Variants in USP34 observed in about 807,000 individuals in gnomAD.
USP34 encodes ubiquitin specific peptidase 34.
USP34 carries 70 observed loss-of-function variants against 460.3 expected under a neutral mutation model. The ratio of observed to expected loss-of-function variants is 0.15; its 90% CI spans 0.13 to 0.19. USP34 has a LOEUF of 0.19. USP34 is among the 10% of genes least tolerant of loss of function. USP34 has a pLI of 1.00. For missense variants in USP34, 3,985 were observed against 4,236.2 expected (o/e 0.94, Z 1.65); for synonymous variants, 1,647 against 1,405.3 (o/e 1.17, Z -3.85).
intron 24 of USP34, 42 bp from the exon 25 acceptor site, chr2:61,314,786 C>T (rs749239528): frequency 6.3e-7 from 1 of 1,578,200 alleles, no homozygotes; most frequent in Non-Finnish European, 8.6e-7. Flanking sequence ...GCCTTATATT[C>T]TTGTTTAGCT....
chr2:61,194,080 G>C, intron 75 of USP34: 1 of 983,518 alleles, frequency 1.0e-6, no homozygotes, highest in Non-Finnish European at 1.2e-6. Context: ...GCAGCATGTG[G>C]GTTGTAATTT....
intron 1 of USP34, among the ~76,000 whole-genome samples, chr2:61,463,566 G>T (rs776959371): frequency 6.6e-6 from 1 of 151,948 alleles, no homozygotes; most frequent in African/African-American, 2.4e-5. Context: ...AGGCAGGATG[G>T]CTCACACCCC....
intron 3 of USP34, among the ~76,000 whole-genome samples, chr2:61,395,630 C>CA (rs1693495116): frequency 6.8e-6 from 1 of 147,766 alleles, no homozygotes. Context: ...ACTAAAAATA[C>CA]AAAAAATTAG....
In USP34 at chr2:61,365,968, T is replaced by C. The variant is rs574278280; in HGVS notation, c.1251+4353A>G. Among the ~76,000 whole-genome samples, 4 of 152,224 alleles carry C rather than the reference T, an allele frequency of 2.6e-5. No homozygotes were observed. In the East Asian group the frequency reaches 7.7e-4, roughly 29 times the overall value. ...CCTATTTATTTATTTATTTATTTAT[T>C]TGAGACACAGTCTCACTCTGCTGCC... is the stretch of plus-strand genomic sequence containing the variant. On this transcript the variant is annotated intron_variant, in intron 10 of 79. Coordinates refer to ENST00000398571, the MANE Select transcript of USP34 (RefSeq NM_014709.4).
At chr2:61,416,972 C>T (rs972383911) in intron 2 of USP34, 3 of 1,298,030 alleles carry the variant, frequency 2.3e-6, no homozygotes, top group African/African-American at 2.9e-5. Flanking sequence ...CGCTTCTCAG[C>T]CACCATATCT....
chr2:61,464,953 A>C (rs1381994251), intron 1 of USP34, among the ~76,000 whole-genome samples: 1 of 152,134 alleles, frequency 6.6e-6, no homozygotes, highest in Admixed American at 6.6e-5. Context: ...CAACAGAACA[A>C]GCAGAGGAAC....
intron 2 of USP34, among the ~76,000 whole-genome samples, chr2:61,419,888 A>G (rs1694307991): frequency 6.6e-6 from 1 of 152,152 alleles, no homozygotes; most frequent in Non-Finnish European, 1.5e-5. Flanking sequence ...GACTCAGAAA[A>G]GAAATGTCAA....
intron 15 of USP34, among the ~76,000 whole-genome samples, chr2:61,346,742 G>T (rs1229916391): frequency 1.9e-4 from 28 of 144,130 alleles, no homozygotes; most frequent in African/African-American, 7.2e-4. Context: ...TGAAGCAGAA[G>T]AATCGCTTGA....
At chr2:61,444,233 C>T (rs1695047468) in intron 1 of USP34, among the ~76,000 whole-genome samples, 1 of 151,914 alleles carries the variant, frequency 6.6e-6, no homozygotes, top group Admixed American at 6.6e-5. Flanking sequence ...GGTGACAGAG[C>T]AAAACCCTGT....
chr2:61,393,357 G>A (rs1417736111), intron 5 of USP34, among the ~76,000 whole-genome samples: 1 of 151,434 alleles, frequency 6.6e-6, no homozygotes, highest in Non-Finnish European at 1.5e-5. Context: ...CTTAAATCTG[G>A]GAGACGGAGG....
intron 41 of USP34, among the ~76,000 whole-genome samples, chr2:61,270,272 T>C (rs932079630): frequency 1.3e-5 from 2 of 152,050 alleles, no homozygotes; most frequent in African/African-American, 4.8e-5. Flanking sequence ...CATGAGAAGG[T>C]GCCATCCGTG....
At chr2:61,304,725 C>T (rs575200878) in intron 27 of USP34, among the ~76,000 whole-genome samples, 1 of 152,270 alleles carries the variant, frequency 6.6e-6, no homozygotes, top group East Asian at 1.9e-4. Context: ...TTATAAGCTA[C>T]CCCATTTATG....
intron 35 of USP34, 64 bp from the exon 36 acceptor site, chr2:61,283,513 T>A: frequency 6.6e-7 from 1 of 1,521,830 alleles, no homozygotes; most frequent in Non-Finnish European, 8.9e-7. Flanking sequence ...TAATTCAATT[T>A]ATTAACATAT....
chr2:61,357,052 A>C (rs562480368), intron 10 of USP34, among the ~76,000 whole-genome samples: 1 of 152,326 alleles, frequency 6.6e-6, no homozygotes, highest in South Asian at 2.1e-4. Flanking sequence ...GAATAATCAT[A>C]AACAAGGAAA....
At chr2:61,382,857 A>G (rs1260276380) in intron 6 of USP34, among the ~76,000 whole-genome samples, 1 of 152,164 alleles carries the variant, frequency 6.6e-6, no homozygotes, top group Non-Finnish European at 1.5e-5. Context: ...TATTTATCCT[A>G]TAATACTTAT....
chr2:61,280,849 A>T (rs1281458981), intron 38 of USP34, among the ~76,000 whole-genome samples: 1 of 152,216 alleles, frequency 6.6e-6, no homozygotes, highest in African/African-American at 2.4e-5. Context: ...AATAAATGCT[A>T]TTTCTAAAAT....
intron 59 of USP34, 93 bp downstream of exon 59, chr2:61,229,455 C>CT (rs1255354204): frequency 5.6e-5 from 37 of 660,456 alleles, no homozygotes; most frequent in Non-Finnish European, 6.9e-5. Context: ...AACCCTATCT[C>CT]TTAAAAAAAA....
At chr2:61,371,238 G>C (rs1027585352) in intron 8 of USP34, among the ~76,000 whole-genome samples, 1 of 152,120 alleles carries the variant, frequency 6.6e-6, no homozygotes, top group South Asian at 2.1e-4. Flanking sequence ...CAGGTTTGTG[G>C]TGATGCTGAT....
At chr2:61,295,580 C>T (rs950518715) in intron 30 of USP34, among the ~76,000 whole-genome samples, 1 of 152,108 alleles carries the variant, frequency 6.6e-6, no homozygotes, top group Non-Finnish European at 1.5e-5. Context: ...ACATTGTGAT[C>T]TAGTTGAGTG....
Sources: gnomAD v4.1 joint callset for allele counts (sites outside exome capture counted in the v4.1 genomes callset) on GRCh38, gnomAD v4.1.1 for gene constraint, MANE v1.5 for transcripts, NCBI Gene and HGNC (gene_info 2026-07-23, HGNC 2026-07-21) for gene names.